SEC14L6: variants seen among roughly 807,000 people sequenced by gnomAD.
The protein encoded by SEC14L6 is SEC14 like lipid binding 6.
A neutral mutation model predicts 54.1 loss-of-function variants in SEC14L6; 40 were observed. The observed-to-expected ratio is 0.74, with a 90% CI of 0.57 to 0.96. The LOEUF (loss-of-function observed/expected upper bound fraction) is 0.96. Ranked by LOEUF, SEC14L6 falls within the 40% of genes least tolerant of loss-of-function variation. SEC14L6 has a pLI of 0.00. For missense variants in SEC14L6, 471 were observed against 498.3 expected (o/e 0.95, Z 0.52); for synonymous variants, 171 against 198.4 (o/e 0.86, Z 1.16).
intron 2 of SEC14L6, among the ~76,000 whole-genome samples, chr22:30,536,386 C>T (rs538018260): frequency 3.9e-5 from 6 of 152,214 alleles, no homozygotes; most frequent in East Asian, 3.9e-4. Context: ...CCACCCCCTA[C>T]GAACCCCCCA....
rs1488525609 is a variant in SEC14L6 at position 30,546,635 on chromosome 22, C to A, written c.48G>T (p.Leu16=). The A allele has an allele frequency of 2.6e-6, 4 of 1,550,228 alleles. No homozygotes were observed. Among genetic ancestry groups the A allele is most frequent in the Non-Finnish European group, 3.5e-6 (4 of 1,146,902 alleles). Residue 16 remains leucine, a synonymous_variant, in exon 1 of 12, where the codon CTG becomes CTT. Coordinates refer to ENST00000402034, the MANE Select transcript of SEC14L6 (RefSeq NM_001193336.4). ...AGTCTCTCCCTTCACTCACCTGGGCCAGCGACTTCTCCTGCGATGGGCTCA... is the reference window on the plus strand; with the variant it reads ...AGTCTCTCCCTTCACTCACCTGGGCAAGCGACTTCTCCTGCGATGGGCTCA... ...GDLSPSQEKS[L]AQFRENIQDV... is the part of the protein sequence containing the mutation.
intron 1 of SEC14L6, 24 bp from the exon 2 acceptor site, chr22:30,538,926 T>C (rs1482390695): frequency 2.6e-6 from 4 of 1,533,220 alleles, no homozygotes; most frequent in Non-Finnish European, 3.5e-6. Flanking sequence ...GGGAGAGACC[T>C]GGGTCAGAGG....
Position 30,523,177 on chromosome 22 carries a change from T to G in SEC14L6, c.*1820A>C, listed in dbSNP as rs998815520. 3 of 152,184 alleles carry G rather than the reference T, an allele frequency of 2.0e-5. No individual in the cohort carries two copies. Among genetic ancestry groups the G allele is most frequent in the African/African-American group, 7.2e-5 (3 of 41,434 alleles). The allele number at this position is 152,184 out of a possible 1,614,324, so 9.4% of individuals were successfully genotyped here. A position where few individuals can be genotyped will look rare whatever the true frequency, so the allele number is the denominator to read the frequency against. On this transcript the variant is annotated 3_prime_UTR_variant, in exon 12 of 12. Transcript: ENST00000402034. ...GTAAAGTAGGCAATTAGGGAAGAAC[T>G]TTGGCTGTCATTTGGGGCTGCCACA... is the stretch of plus-strand genomic sequence containing the variant.
At chr22:30,543,218 T>C (rs1317682210) in intron 1 of SEC14L6, 1 of 1,603,276 alleles carries the variant, frequency 6.2e-7, no homozygotes, top group Non-Finnish European at 8.5e-7. Context: ...AATGTGGTGC[T>C]GACCCGCGGG....
intron 1 of SEC14L6, chr22:30,543,602 A>G (rs994583589): frequency 1.2e-6 from 2 of 1,613,510 alleles, no homozygotes; most frequent in African/African-American, 2.7e-5. Flanking sequence ...AGCAAAAGCC[A>G]TGACCTGAAG....
At chr22:30,543,817 G>C in intron 1 of SEC14L6, 1 of 1,504,090 alleles carries the variant, frequency 6.6e-7, no homozygotes, top group Non-Finnish European at 9.3e-7. Flanking sequence ...CGAGAAGAAT[G>C]CCAGAAAAAT....
rs759210752 is a variant in SEC14L6 at position 30,525,660 on chromosome 22, A to G, written c.862T>C (p.Ser288Pro). 2 of 1,611,562 alleles carry G rather than the reference A, an allele frequency of 1.2e-6. No individual in the cohort carries two copies. The highest frequency in any genetic ancestry group is 1.7e-5 in the Admixed American group (1 of 59,638). The change falls in exon 10 of 12, where the codon TCC becomes CCC. Residue 288 changes from serine (S) to proline (P), a missense_variant. Physicochemically the swap from Ser to Pro is moderately conservative, Grantham distance 74 (BLOSUM62 -1). Coordinates refer to ENST00000402034, the MANE Select transcript of SEC14L6 (RefSeq NM_001193336.4). ...ATCTCGTTCTCCACCTGCAGGGAGG[A>G]GCCGCGGCCCACGGACCTCGTGTGC... ...YEHTRSVGRG[S>P]SLQVENEILF...
chr22:30,525,043 A>G lies in SEC14L6; in HGVS notation c.1148T>C (p.Val383Ala). 2 of 1,549,864 alleles carry G rather than the reference A, an allele frequency of 1.3e-6. No individual in the cohort carries two copies. Among genetic ancestry groups the G allele is most frequent in the Admixed American group, 3.9e-5 (2 of 50,988 alleles). The change falls in exon 12 of 12, where the codon GTA (valine) becomes GCA (alanine). Residue 383 changes from valine (V) to alanine (A), a missense_variant. Coordinates refer to ENST00000402034, the MANE Select transcript of SEC14L6 (RefSeq NM_001193336.4). Reference protein sequence around the residue: ...HSKRISYTVEVLLPDQTFMEK... With the variant: ...HSKRISYTVEALLPDQTFMEK... ...CATGAAGGTTTGGTCTGGGAGCAGT[A>G]CCTCCACGGTGTAGCTGATGCGTTT...
intron 1 of SEC14L6, chr22:30,542,592 C>T (rs987477453): frequency 1.3e-6 from 2 of 1,496,794 alleles, no homozygotes; most frequent in Non-Finnish European, 1.8e-6. Flanking sequence ...GCGGGCCGGT[C>T]CCCGGCCGCC....
chr22:30,546,113 T>G (rs2085795361), intron 1 of SEC14L6, among the ~76,000 whole-genome samples: 1 of 150,370 alleles, frequency 6.7e-6, no homozygotes, highest in Non-Finnish European at 1.5e-5. Context: ...CCGGGCATGG[T>G]GGCTCATGCC....
At chr22:30,529,995 T>C (rs1015901057) in intron 6 of SEC14L6, among the ~76,000 whole-genome samples, 3 of 152,230 alleles carry the variant, frequency 2.0e-5, no homozygotes, top group Admixed American at 2.0e-4. Flanking sequence ...TAAAACATTC[T>C]TGCCAAGAAT....
intron 1 of SEC14L6, among the ~76,000 whole-genome samples, chr22:30,545,398 A>ATT (rs963655367): frequency 2.7e-4 from 39 of 144,844 alleles, no homozygotes; most frequent in African/African-American, 6.3e-4. Flanking sequence ...CAAAACACTC[A>ATT]TTTTTTTTTT....
At chr22:30,530,278 C>T (rs898873695) in intron 6 of SEC14L6, among the ~76,000 whole-genome samples, 8 of 152,128 alleles carry the variant, frequency 5.3e-5, no homozygotes, top group Admixed American at 1.3e-4. Flanking sequence ...GGCGTGGTGG[C>T]GGGCACCTGT....
chr22:30,539,840 C>T (rs2085667927), intron 1 of SEC14L6, among the ~76,000 whole-genome samples: 1 of 152,176 alleles, frequency 6.6e-6, no homozygotes, highest in Non-Finnish European at 1.5e-5. Context: ...TTGACCTGGC[C>T]TGGGAGTTGG....
rs1204276989 is a variant in SEC14L6, at chr22:30,525,278, A to T, written c.1081+72T>A. ...GAACCAAGGGCCCTCACCTGGTAGG[A>T]CCTGGATGCACATTGTAGCACCCTC... On this transcript the variant is annotated intron_variant, in intron 11 of 11. Coordinates refer to ENST00000402034, the MANE Select transcript of SEC14L6 (RefSeq NM_001193336.4). 8 of 1,534,266 alleles carry T rather than the reference A, an allele frequency of 5.2e-6. No homozygotes were observed. The African/African-American group carries it at 6.8e-5, about 13-fold the overall frequency.
rs942164343 is a variant in SEC14L6 at position 30,546,720 on chromosome 22, C to A, written c.-38G>T. The A allele has an allele frequency of 3.7e-5, 56 of 1,533,874 alleles. No individual in the cohort carries two copies. The highest frequency in any genetic ancestry group is 4.9e-5 in the Non-Finnish European group (55 of 1,133,216). On this transcript the variant is annotated 5_prime_UTR_variant, in exon 1 of 12. Transcript: ENST00000402034. ...TGGGTCCAGGCTCCACTCTGTGGCT[C>A]CCTCCAGGTGGCCTGCCTTTTGCCA...
Position 30,524,784 on chromosome 22 carries a change from G to A in SEC14L6, c.*213C>T. On this transcript the variant is annotated 3_prime_UTR_variant, in exon 12 of 12. Transcript: ENST00000402034. Reference sequence around the variant, plus strand: ...CACAGCAGGTCATAGTGGGGATGGAGTGTCTGTGTTGCTTTGCTGTGACCA... The same window carrying A: ...CACAGCAGGTCATAGTGGGGATGGAATGTCTGTGTTGCTTTGCTGTGACCA... The A allele has an allele frequency of 1.9e-6, 1 of 519,810 alleles. No individual in the cohort carries two copies. Among genetic ancestry groups the A allele is most frequent in the South Asian group, 2.3e-5 (1 of 42,872 alleles). The allele number at this position is 519,810 out of a possible 1,614,324, so 32.2% of individuals were successfully genotyped here. A position where few individuals can be genotyped will look rare whatever the true frequency, so the allele number is the denominator to read the frequency against.
At chr22:30,533,964 C>G in intron 3 of SEC14L6, 32 bp downstream of exon 3, 1 of 1,546,444 alleles carries the variant, frequency 6.5e-7, no homozygotes, top group African/African-American at 1.4e-5. Context: ...GGAAACAGGA[C>G]CAGGCTAGGC....
chr22:30,546,225 A>G (rs2085796178), intron 1 of SEC14L6, among the ~76,000 whole-genome samples: 1 of 151,892 alleles, frequency 6.6e-6, no homozygotes, highest in African/African-American at 2.4e-5. Flanking sequence ...CTCTACTAAC[A>G]TACAAAAATT....
Sources: allele counts gnomAD v4.1 joint callset (sites outside exome capture counted in the v4.1 genomes callset), GRCh38; gene constraint gnomAD v4.1.1; transcripts MANE v1.5; gene names NCBI Gene and HGNC (gene_info 2026-07-23, HGNC 2026-07-21).